The following CDK5RAP1 variants were observed in gnomAD, a reference collection of about 807,000 sequenced individuals.
CDK5RAP1 encodes mitochondrial tRNA methylthiotransferase CDK5RAP1.
In CDK5RAP1, 62 loss-of-function variants were observed where a neutral mutation model predicts 64.5. The ratio of observed to expected loss-of-function variants is 0.96; its 90% CI spans 0.78 to 1.19. CDK5RAP1 has a LOEUF of 1.19. CDK5RAP1 is among the 50% of genes most tolerant of loss of function. The pLI, the probability that CDK5RAP1 is intolerant of heterozygous loss-of-function variation, is 0.00. For synonymous variants in CDK5RAP1, 250 were observed against 261.9 expected (o/e 0.95, Z 0.44); for missense variants, 657 against 735.0 (o/e 0.89, Z 1.23).
At chr20:33,364,178 G>T (rs1380994369) in intron 12 of CDK5RAP1, among the ~76,000 whole-genome samples, 5 of 147,936 alleles carry the variant, frequency 3.4e-5, no homozygotes, top group African/African-American at 9.9e-5. Flanking sequence ...AATATTTACT[G>T]AAGAAATAGC....
chr20:33,397,556 G>C (rs900554564), intron 1 of CDK5RAP1, among the ~76,000 whole-genome samples: 1 of 152,188 alleles, frequency 6.6e-6, no homozygotes, highest in African/African-American at 2.4e-5. Context: ...TGCAAAGCCC[G>C]TGCCACTACC....
At chr20:33,387,826 G>T (rs1486095407) in intron 5 of CDK5RAP1, among the ~76,000 whole-genome samples, 3 of 152,042 alleles carry the variant, frequency 2.0e-5, no homozygotes, top group Admixed American at 6.6e-5. Flanking sequence ...CCACACTTTG[G>T]GGGGCCGAGG....
intron 12 of CDK5RAP1, among the ~76,000 whole-genome samples, chr20:33,364,638 G>A (rs547708938): frequency 1.3e-5 from 2 of 150,730 alleles, no homozygotes; most frequent in South Asian, 2.1e-4. Flanking sequence ...ACAATGGCGC[G>A]ATCTCGGCTC....
At chr20:33,360,624 GA>G in intron 12 of CDK5RAP1, 133 bp from the exon 13 acceptor site, 1 of 753,750 alleles carries the variant, frequency 1.3e-6, no homozygotes. Flanking sequence ...AGGAATCACT[GA>G]AGACTCAGTG....
In CDK5RAP1 at chr20:33,373,222, A is replaced by ATGTG. The variant is rs3050556; in HGVS notation, c.1206-529_1206-526dup. ...TTCACCATGTTGCCCAGGTGTGTGCATGTGTGTGTGTGTGTGTGTGTAGGG... is the reference window on the plus strand; with the variant it reads ...TTCACCATGTTGCCCAGGTGTGTGCATGTGTGTGTGTGTGTGTGTGTGTGTAGGG... On this transcript the variant is annotated intron_variant, in intron 9 of 13. Transcript: ENST00000346416. 5.5e-3 allele frequency: 710 copies of ATGTG among 129,714 alleles called. 5 individuals are homozygous for ATGTG. The highest frequency in any genetic ancestry group is 0.013 in the African/African-American group (415 of 33,064). The allele number at this position is 129,714 out of a possible 1,614,324, so 8.0% of individuals were successfully genotyped here.
intron 5 of CDK5RAP1, among the ~76,000 whole-genome samples, chr20:33,389,024 G>A (rs546431863): frequency 6.6e-6 from 1 of 152,212 alleles, no homozygotes; most frequent in Non-Finnish European, 1.5e-5. Flanking sequence ...TGCCGAGATT[G>A]CAGCCTCTGC....
At chr20:33,376,051 G>A (rs941302499) in intron 8 of CDK5RAP1, among the ~76,000 whole-genome samples, 11 of 152,172 alleles carry the variant, frequency 7.2e-5, no homozygotes, top group East Asian at 5.8e-4. Flanking sequence ...TTATAGGGCC[G>A]GGCACAGTGG....
Position 33,379,645 on chromosome 20 carries a change from C to T in CDK5RAP1, c.923G>A (p.Arg308Gln), listed in dbSNP as rs1326605567. The stretch of plus-strand genomic sequence containing the variant: ...GTTGAACTGGACCTCCGAATTGTCC[C>T]GAAAACTATTAACATTCTGACCAAG... ...TLLGQNVNSFRDNSEVQFNSA... is the reference protein window; with the variant it reads ...TLLGQNVNSFQDNSEVQFNSA... The change falls in exon 8 of 14, where the codon CGG becomes CAG. Residue 308 changes from arginine to glutamine, a missense_variant. Physicochemically the swap from Arg to Gln is conservative, Grantham distance 43. Transcript: ENST00000346416. 12 of 1,614,028 alleles carry T rather than the reference C, an allele frequency of 7.4e-6. No homozygotes were observed. The highest frequency in any genetic ancestry group is 1.6e-4 in the Middle Eastern group (1 of 6,062).
In CDK5RAP1 at chr20:33,383,532, G is replaced by A. The variant is rs574130460; in HGVS notation, c.876+2118C>T. 2.0e-5 allele frequency: 3 copies of A among 152,268 alleles called. No homozygotes were observed. In the East Asian group the frequency reaches 5.8e-4, roughly 29 times the overall value. 9.4% of individuals were successfully genotyped at this position (152,268 alleles called of 1,614,324 possible). On this transcript the variant is annotated intron_variant, in intron 7 of 13. Coordinates refer to ENST00000346416, the MANE Select transcript of CDK5RAP1 (RefSeq NM_016408.4). ...AGGTGGGAGGAACACCTGAGGTCGG[G>A]AGATCGAGACCAGCCTGAACAACAT... is the stretch of plus-strand genomic sequence containing the variant.
intron 8 of CDK5RAP1, among the ~76,000 whole-genome samples, chr20:33,375,832 C>A (rs549052388): frequency 6.6e-6 from 1 of 152,250 alleles, no homozygotes; most frequent in African/African-American, 2.4e-5. Flanking sequence ...TAAGTGAAAG[C>A]AATGTACATA....
chr20:33,371,112 G>A (rs964488466), intron 10 of CDK5RAP1, among the ~76,000 whole-genome samples: 1 of 152,078 alleles, frequency 6.6e-6, no homozygotes, highest in African/African-American at 2.4e-5. Flanking sequence ...TGGCCAATAG[G>A]CAAAATCCCA....
At chr20:33,395,846 T>C (rs575942800) in intron 2 of CDK5RAP1, among the ~76,000 whole-genome samples, 7 of 151,912 alleles carry the variant, frequency 4.6e-5, no homozygotes, top group African/African-American at 1.7e-4. Flanking sequence ...AACCCAGGTC[T>C]CCACTAAAAA....
chr20:33,390,596 T>C (rs1303351394), intron 5 of CDK5RAP1, among the ~76,000 whole-genome samples: 3 of 152,148 alleles, frequency 2.0e-5, no homozygotes, highest in Non-Finnish European at 4.4e-5. Context: ...AAATATACTA[T>C]TAAAAAGGAT....
At chr20:33,379,018 C>T (rs1012506565) in intron 8 of CDK5RAP1, among the ~76,000 whole-genome samples, 2 of 152,022 alleles carry the variant, frequency 1.3e-5, no homozygotes, top group East Asian at 1.9e-4. Flanking sequence ...GGTGCGATCT[C>T]GGCTCACTGC....
intron 1 of CDK5RAP1, among the ~76,000 whole-genome samples, chr20:33,400,430 T>C (rs1043790136): frequency 6.6e-6 from 1 of 152,208 alleles, no homozygotes; most frequent in African/African-American, 2.4e-5. Context: ...CCATAATTGC[T>C]GTGTGACCTT....
chr20:33,399,018 T>C (rs1989155531), intron 1 of CDK5RAP1, among the ~76,000 whole-genome samples: 1 of 152,134 alleles, frequency 6.6e-6, no homozygotes, highest in Non-Finnish European at 1.5e-5. Context: ...TATACTACTG[T>C]TGAATCTGTG....
intron 4 of CDK5RAP1, 128 bp from the exon 5 acceptor site, chr20:33,392,370 C>T: frequency 2.2e-6 from 1 of 454,000 alleles, no homozygotes; most frequent in South Asian, 7.3e-5. Flanking sequence ...AACCTGCAGC[C>T]CACGGGCCAC....
At chr20:33,377,746 G>C (rs920732048) in intron 8 of CDK5RAP1, among the ~76,000 whole-genome samples, 2 of 152,118 alleles carry the variant, frequency 1.3e-5, no homozygotes, top group Non-Finnish European at 2.9e-5. Flanking sequence ...CTGCCTCCCG[G>C]GTTCAAGCAA....
At chr20:33,397,782 A>G (rs1337200223) in intron 1 of CDK5RAP1, among the ~76,000 whole-genome samples, 1 of 152,144 alleles carries the variant, frequency 6.6e-6, no homozygotes, top group Non-Finnish European at 1.5e-5. Context: ...ACTTGAGGTC[A>G]GGAGTTCAAG....
Sources: gnomAD v4.1 joint callset for allele counts (sites outside exome capture counted in the v4.1 genomes callset) on GRCh38, gnomAD v4.1.1 for gene constraint, MANE v1.5 for transcripts, NCBI Gene and HGNC (gene_info 2026-07-23, HGNC 2026-07-21) for gene names.